PCDHGB1: variants seen among roughly 807,000 people sequenced by gnomAD.
PCDHGB1 encodes protocadherin gamma-B1.
In PCDHGB1, 34 loss-of-function variants were observed where a neutral mutation model predicts 56.6. The ratio of observed to expected loss-of-function variants is 0.60; its 90% confidence interval spans 0.46 to 0.80. The LOEUF (loss-of-function observed/expected upper bound fraction) is 0.80. PCDHGB1 is among the 30% of genes least tolerant of loss of function. PCDHGB1 has a pLI of 0.00. For synonymous variants in PCDHGB1, 561 were observed against 505.9 expected, an observed-to-expected ratio of 1.11 and a Z score of -1.46; for missense variants, 1,278 against 1,204.6, an observed-to-expected ratio of 1.06 and a Z score of -0.90.
intron 1 of PCDHGB1, among the ~76,000 whole-genome samples, chr5:141,352,902 C>T (rs1561504413): frequency 6.6e-6 from 1 of 152,122 alleles, no homozygotes; most frequent in Non-Finnish European, 1.5e-5. Flanking sequence ...ACAGGAGGAT[C>T]GCTTGAGCCC....
rs143362044 is a variant in PCDHGB1, at chr5:141,511,092, C to T, written c.2703C>T (p.Asn901=). The T allele has an allele frequency of 4.5e-5, 73 of 1,614,088 alleles. No homozygotes were observed. Among genetic ancestry groups the T allele is most frequent in the Admixed American group, 1.5e-4 (9 of 60,012 alleles). ...YIPGSNATLT[N]AAGKRDGKAP... is the part of the protein sequence containing the mutation. ...CAGGCAGCAATGCCACACTGACCAA[C>T]GCAGCTGGCAAGCGGGATGGCAAGG... The change falls in exon 4 of 4, where the codon AAC becomes AAT. Residue 901 remains asparagine, a synonymous_variant. Coordinates refer to ENST00000523390, the MANE Select transcript of PCDHGB1 (RefSeq NM_018922.3).
At chr5:141,363,876 G>T (rs566342740) in intron 1 of PCDHGB1, among the ~76,000 whole-genome samples, 1 of 152,224 alleles carries the variant, frequency 6.6e-6, no homozygotes, top group Admixed American at 6.5e-5. Flanking sequence ...GGTAAATAAA[G>T]GACATAGGCT....
intron 1 of PCDHGB1, among the ~76,000 whole-genome samples, chr5:141,474,089 CAAACAACAACAA>C (rs985204397): frequency 3.3e-5 from 5 of 152,116 alleles, no homozygotes; most frequent in Admixed American, 2.0e-4. Flanking sequence ...AACCAAAAAA[CAAACAACAACAA>C]AAACAACAAC....
At chr5:141,467,643 C>G (rs2099147861) in intron 1 of PCDHGB1, among the ~76,000 whole-genome samples, 1 of 152,112 alleles carries the variant, frequency 6.6e-6, no homozygotes, top group Non-Finnish European at 1.5e-5. Flanking sequence ...TTATCATGTA[C>G]CAAACTTCTA....
At chr5:141,445,767 T>C (rs2098476828) in intron 1 of PCDHGB1, among the ~76,000 whole-genome samples, 1 of 152,142 alleles carries the variant, frequency 6.6e-6, no homozygotes, top group African/African-American at 2.4e-5. Flanking sequence ...ACTCAAGCAA[T>C]TTAAAAGGGC....
At position 141,351,275 on chromosome 5, in the gene PCDHGB1, A is replaced by T; in HGVS notation, c.1015A>T (p.Asn339Tyr). The T allele has an allele frequency of 2.5e-6, 4 of 1,613,966 alleles. No individual in the cohort carries two copies. Among genetic ancestry groups the T allele is most frequent in the Non-Finnish European group, 3.4e-6 (4 of 1,179,874 alleles). The change falls in exon 1 of 4, where the codon AAT becomes TAT. Residue 339 changes from asparagine to tyrosine, a missense_variant. Coordinates refer to ENST00000523390, the MANE Select transcript of PCDHGB1 (RefSeq NM_018922.3). ...AATAGAAATTGTTGACGAGAATGAC[A>T]ATGCCCCAGAGGTGACATTCATGTC... ...VQIEIVDEND[N>Y]APEVTFMSFS...
At chr5:141,387,089 G>T (rs1034064461) in intron 1 of PCDHGB1, among the ~76,000 whole-genome samples, 1 of 152,162 alleles carries the variant, frequency 6.6e-6, no homozygotes, top group African/African-American at 2.4e-5. Flanking sequence ...TGTGATCATC[G>T]AAATGAGAAT....
intron 1 of PCDHGB1, among the ~76,000 whole-genome samples, chr5:141,382,211 G>A (rs1778048764): frequency 6.6e-6 from 1 of 152,054 alleles, no homozygotes; most frequent in African/African-American, 2.4e-5. Flanking sequence ...ATTAAAATAG[G>A]TCTATATATT....
At chr5:141,402,935 T>G in intron 1 of PCDHGB1, 1 of 1,587,712 alleles carries the variant, frequency 6.3e-7, no homozygotes, top group Non-Finnish European at 8.6e-7. Context: ...TTTGAGAAAA[T>G]TCCAAAGCGA....
chr5:141,427,304 C>T, intron 1 of PCDHGB1: 1 of 456,910 alleles, frequency 2.2e-6, no homozygotes, highest in Non-Finnish European at 4.4e-6. Flanking sequence ...ATGAGAATGA[C>T]AATGCCCCAG....
chr5:141,356,301 A>T (rs755675913), intron 1 of PCDHGB1: 2 of 1,554,592 alleles, frequency 1.3e-6, no homozygotes, highest in Non-Finnish European at 1.7e-6. Context: ...CAGTAATTGC[A>T]CTTTTCAACG....
chr5:141,372,977 T>G, intron 1 of PCDHGB1: 1 of 661,716 alleles, frequency 1.5e-6, no homozygotes, highest in Non-Finnish European at 2.5e-6. Flanking sequence ...CTGTAGAATA[T>G]CTGTGTTGCA....
chr5:141,491,544 C>G lies in PCDHGB1; in HGVS notation c.2410-3263C>G, dbSNP rs546391464. The G allele has an allele frequency of 1.1e-5, 17 of 1,614,018 alleles. No individual in the cohort carries two copies. In the Admixed American group the frequency reaches 1.8e-4, roughly 17 times the overall value. Reference sequence around the variant, plus strand: ...TGGAGGTGACGCTGCGGCCCACAGACTCGCAGAGCCACTGCTACAGGACGT... The same window carrying G: ...TGGAGGTGACGCTGCGGCCCACAGAGTCGCAGAGCCACTGCTACAGGACGT... On this transcript the variant is annotated intron_variant, in intron 1 of 3. Transcript: ENST00000523390. The surrounding 1 kb of genome is among the most constrained non-coding windows in gnomAD (Gnocchi z 6.9).
rs777247531 is a variant in PCDHGB1 at position 141,476,417 on chromosome 5, C to T, written c.2410-18390C>T. 3 of 1,614,112 alleles carry T rather than the reference C, an allele frequency of 1.9e-6. No homozygotes were observed. Among genetic ancestry groups the T allele is most frequent in the Admixed American group, 1.7e-5 (1 of 60,018 alleles). The stretch of plus-strand genomic sequence containing the variant: ...GGATCGAGAGGAGCTGTGTGGGACA[C>T]TGCCCTCTTGCACTGTAACTCTGGA... On this transcript the variant is annotated intron_variant, in intron 1 of 3. Coordinates refer to ENST00000523390, the MANE Select transcript of PCDHGB1 (RefSeq NM_018922.3). The surrounding 1 kb of genome is among the most constrained non-coding windows in gnomAD (Gnocchi z 7.6).
At position 141,446,758 on chromosome 5, in the gene PCDHGB1, C is replaced by T. The variant is rs776925316; in HGVS notation, c.2410-48049C>T. Among the ~76,000 whole-genome samples, 10 of 152,208 alleles carry T rather than the reference C, an allele frequency of 6.6e-5. 1 individual carries two copies. Among genetic ancestry groups the T allele is most frequent in the African/African-American group, 9.7e-5 (4 of 41,448 alleles). On this transcript the variant is annotated intron_variant, in intron 1 of 3. Transcript: ENST00000523390. ...TGGGGATTACAGGCGTGAGCCACCG[C>T]GCCCAGCCGGTTACCATTCTTTTAC...
In PCDHGB1 at chr5:141,400,400, C is replaced by T. The variant is rs375490385; in HGVS notation, c.2409+47731C>T. On this transcript the variant is annotated intron_variant, in intron 1 of 3. Coordinates refer to ENST00000523390, the MANE Select transcript of PCDHGB1 (RefSeq NM_018922.3). ...CTATGTGTTGCACATACAGGAAAGA[C>T]GGAGTTTAATTTCCTAAAATGTAGT... 65 of 1,614,000 alleles carry T rather than the reference C, an allele frequency of 4.0e-5. No individual in the cohort carries two copies. Among genetic ancestry groups the T allele is most frequent in the South Asian group, 3.8e-4 (35 of 91,078 alleles).
At chr5:141,393,023 T>C (rs372159245) in intron 1 of PCDHGB1, 52 of 1,613,550 alleles carry the variant, frequency 3.2e-5, no homozygotes, top group Non-Finnish European at 4.3e-5. Flanking sequence ...TCTCCAGAGG[T>C]AGGACGCAGC....
intron 1 of PCDHGB1, chr5:141,394,634 C>T (rs764703837): frequency 2.5e-6 from 4 of 1,613,328 alleles, no homozygotes; most frequent in Non-Finnish European, 1.7e-6. Flanking sequence ...TGTCCTACCG[C>T]CTGCTCAAGG....
intron 1 of PCDHGB1, among the ~76,000 whole-genome samples, chr5:141,407,680 C>A (rs2094967585): frequency 6.6e-6 from 1 of 151,942 alleles, no homozygotes; most frequent in Non-Finnish European, 1.5e-5. Flanking sequence ...CAAAGATTGG[C>A]TTTGTGGTGA....
Sources: allele counts gnomAD v4.1 joint callset (sites outside exome capture counted in the v4.1 genomes callset), GRCh38; gene constraint gnomAD v4.1.1; non-coding constraint Gnocchi (gnomAD v3.1); transcripts MANE v1.5; gene names NCBI Gene and HGNC (gene_info 2026-07-23, HGNC 2026-07-21).